Variants in ST3GAL4 observed in about 807,000 individuals in gnomAD.
The protein encoded by ST3GAL4 is CMP-N-acetylneuraminate-beta-galactosamide-alpha-2,3-sialyltransferase 4.
A neutral mutation model predicts 42.6 loss-of-function variants in ST3GAL4; 24 were observed. The ratio of observed to expected loss-of-function variants is 0.56; its 90% CI spans 0.41 to 0.79. The LOEUF is 0.79. Ranked by LOEUF, ST3GAL4 falls within the 30% of genes least tolerant of loss-of-function variation. ST3GAL4 has a pLI of 0.00. For missense variants in ST3GAL4, 311 were observed against 430.8 expected (o/e 0.72, Z 2.46); for synonymous variants, 135 against 163.2 (o/e 0.83, Z 1.32).
intron 1 of ST3GAL4, among the ~76,000 whole-genome samples, chr11:126,360,034 G>A (rs565127314): frequency 3.9e-5 from 6 of 152,306 alleles, no homozygotes; most frequent in South Asian, 2.1e-4. Context: ...CTTGATGCCC[G>A]TCCTGGGCTG....
intron 1 of ST3GAL4, among the ~76,000 whole-genome samples, chr11:126,377,402 C>G (rs1238280351): frequency 1.3e-5 from 2 of 151,526 alleles, no homozygotes; most frequent in East Asian, 3.9e-4. Context: ...AACTCCTGAC[C>G]TCAGGTGATC....
chr11:126,370,769 C>T (rs1031886189), intron 1 of ST3GAL4, among the ~76,000 whole-genome samples: 4 of 151,754 alleles, frequency 2.6e-5, no homozygotes, highest in Admixed American at 1.3e-4. Context: ...CTCTGCATCC[C>T]GGGTTCAAGC....
chr11:126,371,748 G>C (rs751457125), intron 1 of ST3GAL4, among the ~76,000 whole-genome samples: 1 of 152,212 alleles, frequency 6.6e-6, no homozygotes, highest in Admixed American at 6.5e-5. Context: ...ATGCTTGAAT[G>C]GGGTGTCCCG....
chr11:126,405,762 G>C (rs1243339388), intron 1 of ST3GAL4: 1 of 303,704 alleles, frequency 3.3e-6, no homozygotes, highest in Non-Finnish European at 6.3e-6. Flanking sequence ...CCTGGAGCTG[G>C]CCCTTCCTGG....
At chr11:126,381,767 T>G (rs1377381851) in intron 1 of ST3GAL4, among the ~76,000 whole-genome samples, 3 of 152,010 alleles carry the variant, frequency 2.0e-5, no homozygotes, top group East Asian at 2.0e-4. Flanking sequence ...TGGGCTGGAC[T>G]TGGGAGGCTG....
rs1034885281 is a variant in ST3GAL4, at chr11:126,378,179, A to C, written c.-61+22337A>C. ...CAGACTGGCTAGGTAGAACACCTTT[A>C]CATACTTTGTTGCTGCATAAAATGA... is the stretch of plus-strand genomic sequence containing the variant. On this transcript the variant is annotated intron_variant, in intron 1 of 10. Coordinates refer to ENST00000444328, the MANE Select transcript of ST3GAL4 (RefSeq NM_001254757.2). The surrounding 1 kb of genome is among the most constrained non-coding windows in gnomAD (Gnocchi z 5.3). 2.6e-5 allele frequency among the ~76,000 whole-genome samples: 4 copies of C among 152,198 alleles called. No homozygotes were observed. The highest frequency in any genetic ancestry group is 9.7e-5 in the African/African-American group (4 of 41,450).
intron 1 of ST3GAL4, among the ~76,000 whole-genome samples, chr11:126,377,145 G>A (rs1952852653): frequency 6.6e-6 from 1 of 152,010 alleles, no homozygotes; most frequent in African/African-American, 2.4e-5. Flanking sequence ...TAAGTTTTCG[G>A]TAATACCTGA....
In ST3GAL4 at chr11:126,376,428, A is replaced by G. The variant is rs977534388; in HGVS notation, c.-61+20586A>G. ...AATGTAAAAGCAAAATGAAGAATTT[A>G]TTTGATTTAATTGGTTGCAATTACA... On this transcript the variant is annotated intron_variant, in intron 1 of 10. Transcript: ENST00000444328. The surrounding 1 kb of genome is among the most constrained non-coding windows in gnomAD (Gnocchi z 5.1). Among the ~76,000 whole-genome samples, 2 of 152,302 alleles carry G rather than the reference A, an allele frequency of 1.3e-5. No homozygotes were observed. Among genetic ancestry groups the G allele is most frequent in the South Asian group, 4.1e-4 (2 of 4,820 alleles).
Position 126,378,502 on chromosome 11 carries a change from G to A in ST3GAL4, c.-61+22660G>A, listed in dbSNP as rs1591439779. ...TGGCTCACTGCAACCTCTGCTTCCC[G>A]GGTTCATGCGATTCTCCTGCCTCAG... On this transcript the variant is annotated intron_variant, in intron 1 of 10. Coordinates refer to ENST00000444328, the MANE Select transcript of ST3GAL4 (RefSeq NM_001254757.2). The surrounding 1 kb of genome is among the most constrained non-coding windows in gnomAD (Gnocchi z 5.3). 6.6e-6 allele frequency among the ~76,000 whole-genome samples: 1 copy of A among 152,070 alleles called. No homozygotes were observed. The highest frequency in any genetic ancestry group is 2.1e-4 in the South Asian group (1 of 4,824).
Position 126,373,120 on chromosome 11 carries a change from GC to G in ST3GAL4, c.-61+17279del, listed in dbSNP as rs1196053350. Among the ~76,000 whole-genome samples the G allele has an allele frequency of 6.6e-6, 1 of 152,222 alleles. No homozygotes were observed. The highest frequency in any genetic ancestry group is 1.5e-5 in the Non-Finnish European group (1 of 68,036). Reference sequence around the variant, plus strand: ...TGAGTACTGTGCACCCCTGTGCCTGGCTGAGTAGTGGAGGAACTTTGAAAGG... The same window carrying G: ...TGAGTACTGTGCACCCCTGTGCCTGGTGAGTAGTGGAGGAACTTTGAAAGG... On this transcript the variant is annotated intron_variant, in intron 1 of 10. Transcript: ENST00000444328. This position sits in a 1 kb window ranked among gnomAD's most constrained non-coding sequence, Gnocchi z 5.5.
chr11:126,394,925 T>A (rs1054998558), intron 1 of ST3GAL4, among the ~76,000 whole-genome samples: 11 of 152,248 alleles, frequency 7.2e-5, no homozygotes, highest in Non-Finnish European at 1.2e-4. Flanking sequence ...CCTTTCCCTC[T>A]AAGGTCAGAC....
chr11:126,399,230 C>G (rs73632795), intron 1 of ST3GAL4, among the ~76,000 whole-genome samples: 1 of 151,588 alleles, frequency 6.6e-6, no homozygotes, highest in Admixed American at 6.6e-5. Context: ...ACTACAGGGC[C>G]GGTCTCAGAA....
intron 1 of ST3GAL4, among the ~76,000 whole-genome samples, chr11:126,371,821 C>T (rs1400944137): frequency 3.3e-5 from 5 of 152,220 alleles, no homozygotes; most frequent in Non-Finnish European, 5.9e-5. Flanking sequence ...AAGGTATGCA[C>T]GTGTTCAGCC....
intron 4 of ST3GAL4, 108 bp from the exon 5 acceptor site, chr11:126,407,144 C>A (rs1591489770): frequency 1.4e-6 from 2 of 1,474,614 alleles, no homozygotes; most frequent in East Asian, 2.3e-5. Context: ...TTAGGTGAAG[C>A]CAGGGAGGGA....
chr11:126,370,742 T>A (rs1023531352), intron 1 of ST3GAL4, among the ~76,000 whole-genome samples: 27 of 151,964 alleles, frequency 1.8e-4, no homozygotes, highest in African/African-American at 6.5e-4. Context: ...AGTGGCACGA[T>A]CTCGGCTCAC....
At chr11:126,374,545 T>C (rs1174949151) in intron 1 of ST3GAL4, among the ~76,000 whole-genome samples, 2 of 150,904 alleles carry the variant, frequency 1.3e-5, no homozygotes, top group Non-Finnish European at 2.9e-5. Flanking sequence ...CATTCTTGAC[T>C]GAGTGAACGA....
chr11:126,385,516 G>A (rs939168716), intron 1 of ST3GAL4, among the ~76,000 whole-genome samples: 1 of 152,174 alleles, frequency 6.6e-6, no homozygotes. Flanking sequence ...AGAGTATAGA[G>A]ATTAAAAGTA....
intron 1 of ST3GAL4, among the ~76,000 whole-genome samples, chr11:126,387,305 TG>T (rs1184396452): frequency 6.6e-6 from 1 of 152,178 alleles, no homozygotes; most frequent in East Asian, 1.9e-4. Flanking sequence ...CATCCAAGTG[TG>T]AGATTTCAAT....
chr11:126,357,422 G>T (rs921800499), intron 1 of ST3GAL4, among the ~76,000 whole-genome samples: 9 of 152,218 alleles, frequency 5.9e-5, no homozygotes, highest in East Asian at 1.9e-4. Context: ...GGGCAGAGTG[G>T]GTGTCTTTAG....
Sources: gnomAD v4.1 joint callset for allele counts (sites outside exome capture counted in the v4.1 genomes callset) on GRCh38, gnomAD v4.1.1 for gene constraint, Gnocchi (gnomAD v3.1) non-coding constraint, MANE v1.5 for transcripts, NCBI Gene and HGNC (gene_info 2026-07-23, HGNC 2026-07-21) for gene names.